The following NEK11 variants were observed in gnomAD, a reference collection of about 807,000 sequenced individuals.
The protein encoded by NEK11 is serine/threonine-protein kinase Nek11.
Under a neutral mutation model 80.7 loss-of-function variants are expected in NEK11, and 72 were observed. The ratio of observed to expected loss-of-function variants is 0.89; its 90% CI spans 0.74 to 1.08. The LOEUF (loss-of-function observed/expected upper bound fraction) is 1.08. NEK11 is among the 50% of genes least tolerant of loss of function. The probability of loss-of-function intolerance (pLI) is 0.00; values close to 1 mark genes in which losing one functional copy is unlikely to be tolerated. For missense variants in NEK11, 764 were observed against 763.6 expected (o/e 1.00, Z -0.01); for synonymous variants, 251 against 260.7 (o/e 0.96, Z 0.36).
intron 14 of NEK11, among the ~76,000 whole-genome samples, chr3:131,220,767 G>T (rs1219715655): frequency 6.6e-6 from 1 of 152,160 alleles, no homozygotes; most frequent in African/African-American, 2.4e-5. Flanking sequence ...GCAGAGAGAG[G>T]CAGGGTGTCC....
At chr3:131,077,746 G>A (rs1287445081) in intron 3 of NEK11, among the ~76,000 whole-genome samples, 5 of 152,086 alleles carry the variant, frequency 3.3e-5, no homozygotes, top group Non-Finnish European at 5.9e-5. Flanking sequence ...TTTGTGCTTC[G>A]CCTGCTGCTT....
At chr3:131,336,417 A>G (rs1351414325) in intron 17 of NEK11, among the ~76,000 whole-genome samples, 6 of 152,140 alleles carry the variant, frequency 3.9e-5, no homozygotes, top group South Asian at 2.1e-4. Context: ...CTAGCCATAT[A>G]TAGAAAGCCG....
intron 4 of NEK11, among the ~76,000 whole-genome samples, chr3:131,096,404 T>A (rs1454264745): frequency 3.9e-5 from 6 of 152,106 alleles, no homozygotes; most frequent in African/African-American, 1.4e-4. Context: ...ATATGTATCA[T>A]ATTTTCTTTA....
At chr3:131,096,533 G>A (rs192695161) in intron 4 of NEK11, among the ~76,000 whole-genome samples, 86 of 151,860 alleles carry the variant, frequency 5.7e-4, no homozygotes, top group African/African-American at 2.0e-3. Flanking sequence ...TTTTCCTTTG[G>A]GTATATTCAC....
At chr3:131,264,567 T>C (rs140031152) in intron 16 of NEK11, among the ~76,000 whole-genome samples, 16,592 of 152,212 alleles carry the variant, frequency 0.11, 1,484 homozygotes, top group African/African-American at 0.24. Flanking sequence ...GTTCCATTGA[T>C]CTATACCTCT....
chr3:131,061,313 T>A (rs911722811), intron 3 of NEK11, among the ~76,000 whole-genome samples: 4 of 152,192 alleles, frequency 2.6e-5, no homozygotes, highest in African/African-American at 9.7e-5. Flanking sequence ...ATTGCCTCAT[T>A]AAGTGGTGTC....
At chr3:131,269,549 T>TTA in intron 16 of NEK11, among the ~76,000 whole-genome samples, 1 of 152,192 alleles carries the variant, frequency 6.6e-6, no homozygotes, top group East Asian at 1.9e-4. Context: ...TCACCCTCTG[T>TTA]GGGCTGCACC....
chr3:131,231,290 A>G (rs1442247985), intron 15 of NEK11, among the ~76,000 whole-genome samples: 2 of 150,238 alleles, frequency 1.3e-5, no homozygotes, highest in Non-Finnish European at 3.0e-5. Context: ...TAATTGAGGA[A>G]AGTTAGTTTC....
chr3:131,032,740 T>C (rs1387205536), intron 3 of NEK11, among the ~76,000 whole-genome samples: 2 of 152,256 alleles, frequency 1.3e-5, no homozygotes, highest in African/African-American at 4.8e-5. Flanking sequence ...TAATACCTCA[T>C]AGGATTGTAA....
At chr3:131,149,299 A>G (rs569233340) in intron 7 of NEK11, among the ~76,000 whole-genome samples, 2 of 152,222 alleles carry the variant, frequency 1.3e-5, no homozygotes, top group East Asian at 1.9e-4. Context: ...TGTTGCTGCA[A>G]AGGACATGAT....
At chr3:131,133,721 A>G in intron 6 of NEK11, 109 bp from the exon 7 acceptor site, 1 of 729,572 alleles carries the variant, frequency 1.4e-6, no homozygotes, top group Non-Finnish European at 2.3e-6. Flanking sequence ...AAATGCTATG[A>G]ACCATTGCAT....
intron 5 of NEK11, among the ~76,000 whole-genome samples, chr3:131,130,924 C>T (rs558640883): frequency 1.1e-4 from 17 of 152,318 alleles, no homozygotes; most frequent in African/African-American, 4.1e-4. Context: ...GCCACAGCCT[C>T]ACAAGTAGCT....
chr3:131,293,380 A>T (rs1297561238), intron 17 of NEK11, among the ~76,000 whole-genome samples: 2 of 152,116 alleles, frequency 1.3e-5, no homozygotes, highest in Non-Finnish European at 1.5e-5. Context: ...TATTGATGTA[A>T]TGAATTACAT....
At position 131,126,692 on chromosome 3, in the gene NEK11, T is replaced by G. The variant is rs949092860; in HGVS notation, c.456-6053T>G. 2.6e-5 allele frequency among the ~76,000 whole-genome samples: 4 copies of G among 152,282 alleles called. No homozygotes were observed. In the South Asian group the frequency reaches 8.3e-4, roughly 32 times the overall value. Reference sequence around the variant, plus strand: ...CTACTTGTGGATTTTTGTTTTAAATTCTGCTTGGGATTTCTTTTGCTTCTG... The same window carrying G: ...CTACTTGTGGATTTTTGTTTTAAATGCTGCTTGGGATTTCTTTTGCTTCTG... On this transcript the variant is annotated intron_variant, in intron 5 of 17. Transcript: ENST00000383366.
intron 3 of NEK11, among the ~76,000 whole-genome samples, chr3:131,054,063 A>G (rs975717614): frequency 1.3e-5 from 2 of 152,242 alleles, no homozygotes; most frequent in Non-Finnish European, 2.9e-5. Context: ...TTAAGAGTCA[A>G]CATTTGGCCA....
At chr3:131,214,607 T>G (rs886954599) in intron 14 of NEK11, among the ~76,000 whole-genome samples, 1 of 152,044 alleles carries the variant, frequency 6.6e-6, no homozygotes, top group Non-Finnish European at 1.5e-5. Flanking sequence ...TCTTGACATA[T>G]AGGATAAAAG....
intron 17 of NEK11, among the ~76,000 whole-genome samples, chr3:131,346,930 A>G (rs2097372120): frequency 6.6e-6 from 1 of 152,214 alleles, no homozygotes; most frequent in Non-Finnish European, 1.5e-5. Flanking sequence ...GTTCAAAACC[A>G]GAGACAGCAA....
chr3:131,032,185 C>T (rs1377983005), intron 3 of NEK11, among the ~76,000 whole-genome samples: 3 of 152,198 alleles, frequency 2.0e-5, no homozygotes, highest in Non-Finnish European at 4.4e-5. Flanking sequence ...TGGTCTTGAA[C>T]TCCTGACCTC....
chr3:131,285,029 G>A (rs1383981460), intron 17 of NEK11, among the ~76,000 whole-genome samples: 4 of 152,274 alleles, frequency 2.6e-5, no homozygotes, highest in African/African-American at 9.6e-5. Context: ...CCTGAAAAAT[G>A]TACTCCTATT....
Sources: gnomAD v4.1 joint callset for allele counts (sites outside exome capture counted in the v4.1 genomes callset) on GRCh38, gnomAD v4.1.1 for gene constraint, MANE v1.5 for transcripts, NCBI Gene and HGNC (gene_info 2026-07-23, HGNC 2026-07-21) for gene names.